Variants in PPP3CC observed in about 807,000 individuals in gnomAD.
PPP3CC encodes the protein protein phosphatase 3 catalytic subunit gamma.
A neutral mutation model predicts 60.3 loss-of-function variants in PPP3CC; 35 were observed. The observed-to-expected ratio is 0.58, with a 90% CI of 0.44 to 0.77. The LOEUF is 0.77. Among genes scored for constraint, PPP3CC ranks in the 30% least tolerant of loss-of-function variants. The pLI is 0.00. For missense variants in PPP3CC, 570 were observed against 628.9 expected, an observed-to-expected ratio of 0.91 and a Z score of 1.00; for synonymous variants, 206 against 224.3, an observed-to-expected ratio of 0.92 and a Z score of 0.73.
At chr8:22,521,857 G>A (rs1479087942) in intron 6 of PPP3CC, among the ~76,000 whole-genome samples, 4 of 151,158 alleles carry the variant, frequency 2.6e-5, no homozygotes, top group South Asian at 4.2e-4. Flanking sequence ...GAATATGGTT[G>A]GCTAAAATAT....
chr8:22,526,836 C>T (rs368662543), intron 8 of PPP3CC, among the ~76,000 whole-genome samples: 8 of 152,112 alleles, frequency 5.3e-5, no homozygotes, highest in African/African-American at 9.7e-5. Context: ...TTTTAAAATC[C>T]GCTATATTGA....
At chr8:22,503,269 ATATTT>A (rs1225846511) in intron 4 of PPP3CC, among the ~76,000 whole-genome samples, 3 of 152,148 alleles carry the variant, frequency 2.0e-5, no homozygotes, top group Non-Finnish European at 2.9e-5. Context: ...AAAATGGGAA[ATATTT>A]TATTTTATAT....
intron 1 of PPP3CC, among the ~76,000 whole-genome samples, chr8:22,447,831 C>T (rs757986906): frequency 2.6e-5 from 4 of 152,046 alleles, no homozygotes; most frequent in East Asian, 1.9e-4. Flanking sequence ...CTTGAGTCTT[C>T]GTTTGTTGTT....
intron 1 of PPP3CC, among the ~76,000 whole-genome samples, chr8:22,457,047 T>C (rs1394265449): frequency 2.5e-5 from 2 of 80,360 alleles, no homozygotes; most frequent in Non-Finnish European, 2.3e-5. Context: ...CTCCCTCCCT[T>C]CCTTCCCCTC....
Position 22,486,241 on chromosome 8 carries a change from T to C in PPP3CC, c.372+10617T>C, listed in dbSNP as rs143341319. 3.1e-3 allele frequency among the ~76,000 whole-genome samples: 479 copies of C among 152,298 alleles called. 3 individuals carry two copies. Among genetic ancestry groups the C allele is most frequent in the African/African-American group, 0.011 (454 of 41,564 alleles). ...CCCTCTGTCTTCCTTACAAACAATA[T>C]CTCTATTTTATTCAGATAGATGGGA... On this transcript the variant is annotated intron_variant, in intron 3 of 13. Transcript: ENST00000240139.
chr8:22,472,009 C>T (rs1837737305), intron 1 of PPP3CC, among the ~76,000 whole-genome samples: 1 of 151,978 alleles, frequency 6.6e-6, no homozygotes, highest in South Asian at 2.1e-4. Context: ...CACCTGTAGT[C>T]CCAGCTGAGG....
At chr8:22,515,611 C>G (rs1002075071) in intron 6 of PPP3CC, among the ~76,000 whole-genome samples, 3 of 152,176 alleles carry the variant, frequency 2.0e-5, no homozygotes, top group African/African-American at 7.2e-5. Flanking sequence ...TCCCTTTTCT[C>G]GACATCCTCA....
Position 22,527,573 on chromosome 8 carries a change from T to C in PPP3CC, c.1069+56T>C, listed in dbSNP as rs748746020. On this transcript the variant is annotated intron_variant, in intron 9 of 13. Transcript: ENST00000240139. ...TTGTTTGGTGACTGAGCATACCTTA[T>C]ATTTGCATGAGCCCCTCCATGATTC... 6 of 1,562,286 alleles carry C rather than the reference T, an allele frequency of 3.8e-6. No homozygotes were observed. The African/African-American group carries it at 6.8e-5, about 18-fold the overall frequency.
At chr8:22,523,813 G>T (rs1238531752) in intron 8 of PPP3CC, 2 of 243,272 alleles carry the variant, frequency 8.2e-6, no homozygotes, top group Non-Finnish European at 8.7e-6. Flanking sequence ...ATGATTATAA[G>T]GTAATGAGAC....
intron 2 of PPP3CC, 131 bp downstream of exon 2, chr8:22,475,282 G>T (rs1365539793): frequency 2.0e-6 from 2 of 1,000,334 alleles, no homozygotes; most frequent in Non-Finnish European, 2.9e-6. Context: ...AGTCAGGATT[G>T]GTTAGGATAT....
At position 22,504,741 on chromosome 8, in the gene PPP3CC, G is replaced by A. The variant is rs73547911; in HGVS notation, c.485-6345G>A. ...CTCCCTCCCTTCTTTCCTTCCTTCC[G>A]TCTTGCTCTGTTCCCTAGGTTGGAA... On this transcript the variant is annotated intron_variant, in intron 4 of 13. Transcript: ENST00000240139. Among the ~76,000 whole-genome samples, 12 of 104,618 alleles carry A rather than the reference G, an allele frequency of 1.1e-4. No individual in the cohort carries two copies. In the East Asian group the frequency reaches 1.9e-3, roughly 17 times the overall value. The allele number at this position is 104,618 out of a possible 152,430, so 68.6% of individuals were successfully genotyped here. A position where few individuals can be genotyped will look rare whatever the true frequency, so the allele number is the denominator to read the frequency against.
intron 4 of PPP3CC, among the ~76,000 whole-genome samples, chr8:22,502,193 A>G (rs1016607732): frequency 1.3e-5 from 2 of 152,180 alleles, no homozygotes; most frequent in Admixed American, 6.5e-5. Context: ...ATGTAGGTCA[A>G]TGCAGGTCAT....
intron 3 of PPP3CC, among the ~76,000 whole-genome samples, chr8:22,496,485 C>CTTTTTTTCTTTTTT (rs1838586344): frequency 2.3e-5 from 1 of 43,564 alleles, no homozygotes; most frequent in Non-Finnish European, 4.2e-5. Context: ...GAACTGTAAT[C>CTTTTTTTCTTTTTT]TTTTTTTTTT....
In PPP3CC at chr8:22,446,744, T is replaced by G. The variant is rs1836834080; in HGVS notation, c.49+5286T>G. ...TCGTTTGAATCTGGGAGGCAGAAGTTGCAGTGAACTGAGATTGCGCCACTG... is the reference window on the plus strand; with the variant it reads ...TCGTTTGAATCTGGGAGGCAGAAGTGGCAGTGAACTGAGATTGCGCCACTG... On this transcript the variant is annotated intron_variant, in intron 1 of 13. Coordinates refer to ENST00000240139, the MANE Select transcript of PPP3CC (RefSeq NM_005605.5). Among the ~76,000 whole-genome samples the G allele has an allele frequency of 2.2e-5, 3 of 139,018 alleles. No individual in the cohort carries two copies. The South Asian group carries it at 6.6e-4, about 31-fold the overall frequency. 91.2% of individuals were successfully genotyped at this position (139,018 alleles called of 152,430 possible).
At chr8:22,460,330 G>A (rs1837329345) in intron 1 of PPP3CC, among the ~76,000 whole-genome samples, 1 of 151,952 alleles carries the variant, frequency 6.6e-6, no homozygotes, top group East Asian at 1.9e-4. Flanking sequence ...TGTAAATTCT[G>A]TGCTTGAAAA....
chr8:22,506,080 G>A (rs1374065517), intron 4 of PPP3CC, among the ~76,000 whole-genome samples: 1 of 151,934 alleles, frequency 6.6e-6, no homozygotes, highest in East Asian at 1.9e-4. Context: ...TTTTAAGTAA[G>A]TCTCAGTGTC....
chr8:22,505,510 G>T (rs1838889286), intron 4 of PPP3CC, among the ~76,000 whole-genome samples: 1 of 152,080 alleles, frequency 6.6e-6, no homozygotes, highest in Admixed American at 6.6e-5. Context: ...TAATTAGATT[G>T]TGGTATATCC....
chr8:22,443,703 A>C (rs1444827792), intron 1 of PPP3CC, among the ~76,000 whole-genome samples: 1 of 152,170 alleles, frequency 6.6e-6, no homozygotes, highest in Admixed American at 6.5e-5. Flanking sequence ...AGGTCCTTAG[A>C]ATGTATGGAT....
At chr8:22,478,357 G>A (rs537296727) in intron 3 of PPP3CC, among the ~76,000 whole-genome samples, 1 of 152,018 alleles carries the variant, frequency 6.6e-6, no homozygotes, top group African/African-American at 2.4e-5. Flanking sequence ...TCACCATCTT[G>A]GCCAGGCTGG....
Sources: gnomAD v4.1 joint callset for allele counts (sites outside exome capture counted in the v4.1 genomes callset) on GRCh38, gnomAD v4.1.1 for gene constraint, MANE v1.5 for transcripts, NCBI Gene and HGNC (gene_info 2026-07-23, HGNC 2026-07-21) for gene names.